Variants in ZNF385B observed in about 807,000 individuals in gnomAD.
ZNF385B encodes zinc finger protein 385B.
Under a neutral mutation model 39.2 loss-of-function variants are expected in ZNF385B, and 23 were observed. That is an observed-to-expected ratio of 0.59 (90% CI 0.42 to 0.83). The LOEUF is 0.83. ZNF385B is among the 40% of genes least tolerant of loss of function. ZNF385B has a pLI of 0.00. For missense variants in ZNF385B, 552 were observed against 598.9 expected, an observed-to-expected ratio of 0.92 and a Z score of 0.82; for synonymous variants, 205 against 222.6, an observed-to-expected ratio of 0.92 and a Z score of 0.70.
At chr2:179,831,003 A>T (rs1198882590) in intron 1 of ZNF385B, among the ~76,000 whole-genome samples, 3 of 152,198 alleles carry the variant, frequency 2.0e-5, no homozygotes, top group African/African-American at 7.2e-5. Flanking sequence ...ACTTTTCTGT[A>T]AATCTAAAAT....
chr2:179,532,727 A>C (rs1443590450), intron 4 of ZNF385B, among the ~76,000 whole-genome samples: 1 of 152,178 alleles, frequency 6.6e-6, no homozygotes, highest in African/African-American at 2.4e-5. Context: ...ACAACACAAG[A>C]CGCTGATATG....
intron 5 of ZNF385B, among the ~76,000 whole-genome samples, chr2:179,493,673 GCATATA>G (rs1185015678): frequency 2.8e-4 from 30 of 107,174 alleles, no homozygotes; most frequent in African/African-American, 5.7e-4. Context: ...ATATGCATAT[GCATATA>G]CATATACACA....
chr2:179,836,356 A>G (rs1323931763), intron 1 of ZNF385B, among the ~76,000 whole-genome samples: 1 of 152,190 alleles, frequency 6.6e-6, no homozygotes, highest in Non-Finnish European at 1.5e-5. Flanking sequence ...AACACTGCCA[A>G]ACCCTGCAGG....
intron 3 of ZNF385B, among the ~76,000 whole-genome samples, chr2:179,633,125 C>A (rs1173669424): frequency 1.3e-5 from 2 of 152,120 alleles, no homozygotes. Context: ...ACCAGAGGTA[C>A]AAAGAGGAGC....
chr2:179,458,786 A>G (rs1163787140), intron 6 of ZNF385B, among the ~76,000 whole-genome samples: 2 of 152,056 alleles, frequency 1.3e-5, no homozygotes, highest in Non-Finnish European at 2.9e-5. Flanking sequence ...TGTTTTTCCT[A>G]GTTACTTCCT....
intron 6 of ZNF385B, among the ~76,000 whole-genome samples, chr2:179,476,961 A>G (rs2053502871): frequency 6.6e-6 from 1 of 152,226 alleles, no homozygotes; most frequent in Non-Finnish European, 1.5e-5. Flanking sequence ...TGCCAAATTT[A>G]TGAGGGTGCT....
chr2:179,464,413 A>C (rs552269653), intron 6 of ZNF385B, among the ~76,000 whole-genome samples: 13 of 152,304 alleles, frequency 8.5e-5, no homozygotes, highest in African/African-American at 2.6e-4. Flanking sequence ...TTAGACATGA[A>C]GTCTTTGCCC....
chr2:179,812,273 A>T (rs536079725), intron 1 of ZNF385B, among the ~76,000 whole-genome samples: 2 of 152,330 alleles, frequency 1.3e-5, no homozygotes, highest in South Asian at 4.1e-4. Context: ...CGTTTAACCC[A>T]GCAATCCCAT....
intron 1 of ZNF385B, among the ~76,000 whole-genome samples, chr2:179,829,670 T>G (rs911095675): frequency 6.6e-6 from 1 of 152,068 alleles, no homozygotes; most frequent in Non-Finnish European, 1.5e-5. Context: ...CCCGCCACCA[T>G]GCCCGGCCAA....
At chr2:179,579,936 C>G (rs1686291269) in intron 3 of ZNF385B, among the ~76,000 whole-genome samples, 1 of 152,042 alleles carries the variant, frequency 6.6e-6, no homozygotes, top group South Asian at 2.1e-4. Flanking sequence ...TAATAAGTGA[C>G]AGAACTTGGA....
At position 179,717,769 on chromosome 2, in the gene ZNF385B, C is replaced by A. The variant is rs569765128; in HGVS notation, c.298+51734G>T. ...AAAAACCTTCTCATGATAGTTTCAA[C>A]TGTTTCTGAGTTGTTTCCTACCTCT... On this transcript the variant is annotated intron_variant, in intron 3 of 9. Transcript: ENST00000410066. Among the ~76,000 whole-genome samples the A allele has an allele frequency of 2.0e-3, 298 of 152,246 alleles. 1 individual carries two copies. Among genetic ancestry groups the A allele is most frequent in the Admixed American group, 3.7e-3 (57 of 15,278 alleles).
intron 3 of ZNF385B, among the ~76,000 whole-genome samples, chr2:179,698,181 T>A (rs201742194): frequency 1.3e-5 from 2 of 148,638 alleles, no homozygotes. Context: ...AAAGTATAAT[T>A]AAAAAAAAAA....
At chr2:179,459,668 A>T (rs1225805580) in intron 6 of ZNF385B, among the ~76,000 whole-genome samples, 1 of 151,096 alleles carries the variant, frequency 6.6e-6, no homozygotes, top group Non-Finnish European at 1.5e-5. Context: ...TTTAAATGTA[A>T]ATCTTAATTT....
At chr2:179,858,116 A>G (rs1684743801) in intron 1 of ZNF385B, among the ~76,000 whole-genome samples, 1 of 152,192 alleles carries the variant, frequency 6.6e-6, no homozygotes, top group African/African-American at 2.4e-5. Flanking sequence ...CAGCCTCTAG[A>G]AACAGATAAG....
At chr2:179,474,108 TA>T (rs10715636) in intron 6 of ZNF385B, among the ~76,000 whole-genome samples, 1,513 of 146,610 alleles carry the variant, frequency 0.01, 15 homozygotes, top group African/African-American at 0.025. Flanking sequence ...CAATTTGATT[TA>T]AAAAAAAAAA....
chr2:179,565,079 C>T lies in ZNF385B; in HGVS notation c.299-20110G>A, dbSNP rs542293614. On this transcript the variant is annotated intron_variant, in intron 3 of 9. Transcript: ENST00000410066. ...TTCATTTAGGTCCTTATTAGCTGTT[C>T]ACAAGCATAATTCCTTAATCATTGT... Among the ~76,000 whole-genome samples, 7 of 152,284 alleles carry T rather than the reference C, an allele frequency of 4.6e-5. No homozygotes were observed. The East Asian group carries it at 1.4e-3, about 29-fold the overall frequency.
chr2:179,699,842 T>C (rs1346069833), intron 3 of ZNF385B, among the ~76,000 whole-genome samples: 2 of 152,224 alleles, frequency 1.3e-5, no homozygotes, highest in Non-Finnish European at 2.9e-5. Context: ...AATTCAATAA[T>C]TGGCAGTAAA....
chr2:179,639,949 G>A (rs79575013), intron 3 of ZNF385B, among the ~76,000 whole-genome samples: 86 of 152,280 alleles, frequency 5.6e-4, no homozygotes, highest in African/African-American at 2.0e-3. Context: ...ACACTGGGAA[G>A]GACACAGCAT....
intron 1 of ZNF385B, among the ~76,000 whole-genome samples, chr2:179,835,826 C>A (rs1708218503): frequency 6.6e-6 from 1 of 152,016 alleles, no homozygotes; most frequent in South Asian, 2.1e-4. Flanking sequence ...TCTACTCTAG[C>A]CCCTCACTTC....
Sources: gnomAD v4.1 joint callset for allele counts (sites outside exome capture counted in the v4.1 genomes callset) on GRCh38, gnomAD v4.1.1 for gene constraint, MANE v1.5 for transcripts, NCBI Gene and HGNC (gene_info 2026-07-23, HGNC 2026-07-21) for gene names.